ATP5F1A: variants seen among roughly 807,000 people sequenced by gnomAD.
ATP5F1A encodes the protein ATP synthase F(1) complex subunit alpha, mitochondrial.
In ATP5F1A, 24 loss-of-function variants were observed where a neutral mutation model predicts 57.4. That is an observed-to-expected ratio of 0.42 (90% CI 0.30 to 0.59). The LOEUF (loss-of-function observed/expected upper bound fraction) is 0.59. ATP5F1A is among the 20% of genes least tolerant of loss of function. The pLI, the probability that ATP5F1A is intolerant of heterozygous loss-of-function variation, is 0.19. For missense variants in ATP5F1A, 494 were observed against 707.9 expected (o/e 0.70, Z 3.43); for synonymous variants, 251 against 255.5 (o/e 0.98, Z 0.17).
intron 1 of ATP5F1A, chr18:46,097,753 T>A: frequency 1.1e-6 from 1 of 941,220 alleles, no homozygotes; most frequent in South Asian, 4.8e-5. Flanking sequence ...CAGACTCCAC[T>A]GACTAGCTTC....
chr18:46,100,906 C>T (rs1254570543), upstream of ATP5F1A, among the ~76,000 whole-genome samples: 1 of 152,074 alleles, frequency 6.6e-6, no homozygotes, highest in East Asian at 1.9e-4. Flanking sequence ...AACCCCGTCT[C>T]TGCTAAAAAT....
chr18:46,098,446 C>T (rs1056691730), upstream of ATP5F1A: 4 of 1,342,580 alleles, frequency 3.0e-6, no homozygotes, highest in African/African-American at 1.5e-5. Context: ...AAGTTTAAAC[C>T]TCAAAATGAA....
At position 46,087,513 on chromosome 18, in the gene ATP5F1A, A is replaced by C. The variant is rs540879584; in HGVS notation, c.800-21T>G. The C allele has an allele frequency of 1.9e-6, 3 of 1,607,292 alleles. No individual in the cohort carries two copies. In the East Asian group the frequency reaches 6.7e-5, roughly 36 times the overall value. On this transcript the variant is annotated intron_variant, in intron 6 of 11. Transcript: ENST00000398752. ...GGCATCTGAGAAAATATATTTTACAATTTTATCAATATTGTGGTTTTAAAT... is the reference window on the plus strand; with the variant it reads ...GGCATCTGAGAAAATATATTTTACACTTTTATCAATATTGTGGTTTTAAAT...
chr18:46,091,851 C>T lies in ATP5F1A; in HGVS notation c.140G>A (p.Gly47Glu). ...AAGAATAGAGGACATCTCAGCAGTC[C>T]CTATGGAAGACAATTCAATTCAATT... is the stretch of plus-strand genomic sequence containing the variant. ...HASNTHLQKT[G>E]TAEMSSILEE... Residue 47 changes from glycine (G) to glutamate (E), a missense_variant and splice_region_variant, in exon 3 of 12, where the codon GGG becomes GAG. Physicochemically the swap from Gly to Glu is moderately conservative, Grantham distance 98. This residue lies in a region of ATP5F1A where 142 missense variants were observed against 137.5 expected (regional missense o/e 1.03). Coordinates refer to ENST00000398752, the MANE Select transcript of ATP5F1A (RefSeq NM_004046.6). 6.2e-7 allele frequency: 1 copy of T among 1,607,550 alleles called. No individual in the cohort carries two copies. Among genetic ancestry groups the T allele is most frequent in the Non-Finnish European group, 8.5e-7 (1 of 1,178,388 alleles).
At chr18:46,095,018 G>A in intron 2 of ATP5F1A, 35 bp downstream of exon 2, 1 of 1,559,018 alleles carries the variant, frequency 6.4e-7, no homozygotes, top group Non-Finnish European at 8.7e-7. Context: ...TCTTCATCTA[G>A]TAAGTGCGGC....
At chr18:46,093,477 T>C (rs1599784357) in intron 2 of ATP5F1A, 1 of 149,128 alleles carries the variant, frequency 6.7e-6, no homozygotes. Context: ...AGGTGGAGGG[T>C]CCAGTGAGCC....
At chr18:46,102,650 A>G (rs553031880), upstream of ATP5F1A, among the ~76,000 whole-genome samples, 1 of 152,274 alleles carries the variant, frequency 6.6e-6, no homozygotes, top group Non-Finnish European at 1.5e-5. Flanking sequence ...TGAAGCAAAA[A>G]GAATAAGCAA....
chr18:46,085,199 ACCAC>A (rs1909991158), intron 10 of ATP5F1A: 1 of 150,724 alleles, frequency 6.6e-6, no homozygotes, highest in African/African-American at 2.4e-5. Context: ...AGGCGGGTGG[ACCAC>A]TTAAGGTCAG....
intron 2 of ATP5F1A, among the ~76,000 whole-genome samples, chr18:46,094,453 G>A (rs192402130): frequency 2.4e-4 from 36 of 152,226 alleles, no homozygotes; most frequent in African/African-American, 8.2e-4. Flanking sequence ...CATATCACAA[G>A]GTCAGGAGAT....
chr18:46,088,492 G>A (rs906479325), intron 5 of ATP5F1A: 11 of 368,102 alleles, frequency 3.0e-5, no homozygotes, highest in Non-Finnish European at 4.8e-5. Context: ...AAGGTTTAAC[G>A]GATTTAGGGC....
chr18:46,088,388 C>T lies in ATP5F1A; in HGVS notation c.651-131G>A, dbSNP rs772348246. 501 of 852,580 alleles carry T rather than the reference C, an allele frequency of 5.9e-4. 1 individual carries two copies. Among genetic ancestry groups the T allele is most frequent in the Non-Finnish European group, 8.0e-4 (460 of 576,260 alleles). 52.8% of individuals were successfully genotyped at this position (852,580 alleles called of 1,614,324 possible). Reference sequence around the variant, plus strand: ...AAGACATAAGAAACTCCATTTTGTTCTGTACTAAGAAAAATTCTTCTGCCT... The same window carrying T: ...AAGACATAAGAAACTCCATTTTGTTTTGTACTAAGAAAAATTCTTCTGCCT... On this transcript the variant is annotated intron_variant, in intron 5 of 11. Coordinates refer to ENST00000398752, the MANE Select transcript of ATP5F1A (RefSeq NM_004046.6).
At position 46,084,582 on chromosome 18, in the gene ATP5F1A, G is replaced by A. The variant is rs764206728; in HGVS notation, c.1502C>T (p.Pro501Leu). 82 of 1,612,672 alleles carry A rather than the reference G, an allele frequency of 5.1e-5. No individual in the cohort carries two copies. Among genetic ancestry groups the A allele is most frequent in the Non-Finnish European group, 6.6e-5 (78 of 1,179,726 alleles). Reference sequence around the variant, plus strand: ...ATTCTCAAACTTTGTAATCTTGCTGGGCTCCAGTTTATCAAGATATCCCCT... The same window carrying A: ...ATTCTCAAACTTTGTAATCTTGCTGAGCTCCAGTTTATCAAGATATCCCCT... ...GVRGYLDKLE[P>L]SKITKFENAF... The change falls in exon 11 of 12, where the codon CCC becomes CTC. Residue 501 changes from proline to leucine, a missense_variant. Physicochemically the swap from Pro to Leu is moderately conservative, Grantham distance 98 (BLOSUM62 -3). Around this residue, in one of 6 missense-constraint regions of ATP5F1A, gnomAD observed 127 missense variants for 195.2 expected, o/e 0.65. Coordinates refer to ENST00000398752, the MANE Select transcript of ATP5F1A (RefSeq NM_004046.6).
At chr18:46,101,136 A>G (rs1192980326), upstream of ATP5F1A, among the ~76,000 whole-genome samples, 1 of 152,190 alleles carries the variant, frequency 6.6e-6, no homozygotes, top group East Asian at 1.9e-4. Flanking sequence ...AGGCTTACAG[A>G]TAATTACATT....
At chr18:46,088,337 T>C in intron 5 of ATP5F1A, 80 bp from the exon 6 acceptor site, 2 of 1,298,194 alleles carry the variant, frequency 1.5e-6, no homozygotes, top group Non-Finnish European at 2.1e-6. Flanking sequence ...GAGATCAGAC[T>C]GTTACTGTGT....
chr18:46,103,610 CAAAAAAAAAAAAAAAA>C (rs71160711), intron 1 of ATP5F1A, among the ~76,000 whole-genome samples: 84 of 34,516 alleles, frequency 2.4e-3, no homozygotes, highest in African/African-American at 0.01. Context: ...GACTCCATCT[CAAAAAAAAAAAAAAAA>C]AAAAAAAAGC....
upstream of ATP5F1A, among the ~76,000 whole-genome samples, chr18:46,098,808 G>A (rs1911171037): frequency 1.3e-5 from 2 of 152,174 alleles, no homozygotes; most frequent in Admixed American, 1.3e-4. Flanking sequence ...AAAATTCGGG[G>A]CAATCTGAAT....
rs750818579 is a variant in ATP5F1A at position 46,089,535 on chromosome 18, T to C, written c.650+31A>G. ...ATCCTTCCATTGAGCAAATTTTAGT[T>C]AGAACTTTTAATATGCTTTTGAGTC... On this transcript the variant is annotated intron_variant, in intron 5 of 11. Coordinates refer to ENST00000398752, the MANE Select transcript of ATP5F1A (RefSeq NM_004046.6). 6.8e-6 allele frequency: 11 copies of C among 1,609,406 alleles called. No individual in the cohort carries two copies. The South Asian group carries it at 9.9e-5, about 15-fold the overall frequency.
At chr18:46,096,583 T>C (rs1910973832) in intron 1 of ATP5F1A, among the ~76,000 whole-genome samples, 2 of 151,840 alleles carry the variant, frequency 1.3e-5, no homozygotes, top group South Asian at 4.2e-4. Context: ...ATTTTGACTT[T>C]AGATGTATTT....
chr18:46,082,880 C>T lies in ATP5F1A; in HGVS notation c.*1402G>A, dbSNP rs1464447221. On this transcript the variant is annotated 3_prime_UTR_variant, in exon 12 of 12. Transcript: ENST00000398752. ...CATGGCCAACATGGTGAAACCTTGTCTCTACTAAAAATACAAAATGTTAGC... is the reference window on the plus strand; with the variant it reads ...CATGGCCAACATGGTGAAACCTTGTTTCTACTAAAAATACAAAATGTTAGC... The T allele has an allele frequency of 6.6e-6, 1 of 151,798 alleles. No individual in the cohort carries two copies. Among genetic ancestry groups the T allele is most frequent in the African/African-American group, 2.4e-5 (1 of 41,304 alleles). The allele number at this position is 151,798 out of a possible 1,614,324, so 9.4% of individuals were successfully genotyped here.
Sources: allele counts gnomAD v4.1 joint callset (sites outside exome capture counted in the v4.1 genomes callset), GRCh38; gene constraint gnomAD v4.1.1; regional missense constraint gnomAD v4.1.1; transcripts MANE v1.5; gene names NCBI Gene and HGNC (gene_info 2026-07-23, HGNC 2026-07-21).